ADCYAP1R1: variants seen among roughly 807,000 people sequenced by gnomAD.
The protein encoded by ADCYAP1R1 is pituitary adenylate cyclase-activating polypeptide type I receptor.
In ADCYAP1R1, 44 loss-of-function variants were observed where a neutral mutation model predicts 67.6. The observed-to-expected ratio is 0.65, with a 90% CI of 0.51 to 0.84. ADCYAP1R1 has a LOEUF of 0.84. Ranked by LOEUF, ADCYAP1R1 falls within the 40% of genes least tolerant of loss-of-function variation. The probability of loss-of-function intolerance (pLI) is 0.00; values close to 1 mark genes in which losing one functional copy is unlikely to be tolerated. For synonymous variants in ADCYAP1R1, 222 were observed against 219.6 expected (o/e 1.01, Z -0.10); for missense variants, 477 against 587.9 (o/e 0.81, Z 1.95).
intron 3 of ADCYAP1R1, among the ~76,000 whole-genome samples, chr7:31,074,297 A>T (rs10264520): frequency 0.19 from 28,530 of 151,752 alleles, 4,488 homozygotes; most frequent in African/African-American, 0.43. Context: ...GTTTCCCCTC[A>T]CTCTATCCTC....
At chr7:31,089,909 A>G (rs1294544260) in intron 12 of ADCYAP1R1, among the ~76,000 whole-genome samples, 1 of 152,176 alleles carries the variant, frequency 6.6e-6, no homozygotes. Context: ...TATTTTGTTT[A>G]AAGTTTTTGG....
At chr7:31,101,139 C>T (rs959902585) in intron 13 of ADCYAP1R1, among the ~76,000 whole-genome samples, 6 of 152,190 alleles carry the variant, frequency 3.9e-5, no homozygotes, top group Non-Finnish European at 8.8e-5. Flanking sequence ...TGCCCTGGCT[C>T]CCCAGCAGAA....
At chr7:31,059,932 G>C (rs1314429564) in intron 1 of ADCYAP1R1, among the ~76,000 whole-genome samples, 1 of 151,930 alleles carries the variant, frequency 6.6e-6, no homozygotes, top group African/African-American at 2.4e-5. Flanking sequence ...AGTTGGGCAG[G>C]GGGTGGACTG....
At chr7:31,070,153 C>T (rs10277350) in intron 3 of ADCYAP1R1, among the ~76,000 whole-genome samples, 18,385 of 152,216 alleles carry the variant, frequency 0.12, 1,656 homozygotes, top group African/African-American at 0.24. Context: ...GGACAAAGGA[C>T]GCCTGTACCT....
At chr7:31,058,133 G>C (rs1187847251) in intron 1 of ADCYAP1R1, among the ~76,000 whole-genome samples, 1 of 152,210 alleles carries the variant, frequency 6.6e-6, no homozygotes, top group African/African-American at 2.4e-5. Flanking sequence ...TGTGGGCCTG[G>C]GCCAGACGCT....
chr7:31,083,488 C>T (rs1795599123), intron 6 of ADCYAP1R1, among the ~76,000 whole-genome samples: 1 of 152,320 alleles, frequency 6.6e-6, no homozygotes, highest in African/African-American at 2.4e-5. Flanking sequence ...CAGGAAACAG[C>T]CCTCCCAAAC....
chr7:31,063,190 C>A lies in ADCYAP1R1; in HGVS notation c.-71-4C>A. On this transcript the variant is annotated splice_polypyrimidine_tract_variant and splice_region_variant and intron_variant, in intron 1 of 15. Coordinates refer to ENST00000304166, the MANE Select transcript of ADCYAP1R1 (RefSeq NM_001118.5). ...CAGGATTCACACCTTTCCTTCCTCT[C>A]TAGCCCAGAGACACATTGGGGCTGA... 6 of 1,579,574 alleles carry A rather than the reference C, an allele frequency of 3.8e-6. No homozygotes were observed. The highest frequency in any genetic ancestry group is 5.2e-6 in the Non-Finnish European group (6 of 1,148,938).
intron 12 of ADCYAP1R1, among the ~76,000 whole-genome samples, chr7:31,092,254 C>G (rs1254395281): frequency 1.3e-5 from 2 of 151,390 alleles, no homozygotes; most frequent in African/African-American, 4.9e-5. Context: ...CATTCTGGTT[C>G]CCCATATTTG....
chr7:31,063,445 G>A lies in ADCYAP1R1; in HGVS notation c.51+130G>A, dbSNP rs555321361. The A allele has an allele frequency of 2.0e-4, 188 of 949,880 alleles. No homozygotes were observed. The African/African-American group carries it at 2.9e-3, about 15-fold the overall frequency. The allele number at this position is 949,880 out of a possible 1,614,324, so 58.8% of individuals were successfully genotyped here. A position where few individuals can be genotyped will look rare whatever the true frequency, so the allele number is the denominator to read the frequency against. ...TGGTATTTCTGCCAACACCACCACT[G>A]GGCCACCCAGTGCCTTTGTGTGAAT... On this transcript the variant is annotated intron_variant, in intron 2 of 15. Transcript: ENST00000304166.
intron 4 of ADCYAP1R1, among the ~76,000 whole-genome samples, chr7:31,078,544 C>G (rs1795376665): frequency 6.6e-6 from 1 of 152,244 alleles, no homozygotes; most frequent in African/African-American, 2.4e-5. Context: ...ATCCTCAGCG[C>G]CCAGTGGGAG....
chr7:31,092,669 T>C lies in ADCYAP1R1; in HGVS notation c.980T>C (p.Ile327Thr). ...GTTAACTTTGTGCTTTTTATTGGCA[T>C]TATCGTCATCCTTGTGCAGAAACTT... ...IMVNFVLFIGIIVILVQKLQS... is the reference protein window; with the variant it reads ...IMVNFVLFIGTIVILVQKLQS... The change falls in exon 13 of 16, where the codon ATT becomes ACT. Residue 327 changes from isoleucine to threonine, a missense_variant. Ile to Thr is a moderately conservative substitution (Grantham distance 89, BLOSUM62 -1). Coordinates refer to ENST00000304166, the MANE Select transcript of ADCYAP1R1 (RefSeq NM_001118.5). The C allele has an allele frequency of 1.9e-6, 3 of 1,611,876 alleles. No individual in the cohort carries two copies. The highest frequency in any genetic ancestry group is 2.5e-6 in the Non-Finnish European group (3 of 1,179,692).
intron 12 of ADCYAP1R1, 125 bp downstream of exon 12, chr7:31,087,821 A>G: frequency 1.5e-6 from 1 of 670,544 alleles, no homozygotes; most frequent in Non-Finnish European, 2.6e-6. Flanking sequence ...CTGCATTATA[A>G]TCTGTAACAG....
rs796522181 is a variant in ADCYAP1R1, at chr7:31,087,490, C to G, written c.885-137C>G. The G allele has an allele frequency of 1.5e-5, 11 of 747,144 alleles. No individual in the cohort carries two copies. The African/African-American group carries it at 1.9e-4, about 13-fold the overall frequency. 46.3% of individuals were successfully genotyped at this position (747,144 alleles called of 1,614,324 possible). On this transcript the variant is annotated intron_variant, in intron 11 of 15. Transcript: ENST00000304166. ...GGAGTCTGTAGCCCGCTGGAGAGCT[C>G]TTGTTCCAGCCAGCCCCTCCTCAGA...
rs757851718 is a variant in ADCYAP1R1, at chr7:31,106,550, G to A, written c.1273G>A (p.Ala425Thr). The change falls in exon 16 of 16, where the codon GCT becomes ACT. Residue 425 changes from alanine (A) to threonine (T), a missense_variant. Transcript: ENST00000304166. ...WRSWKVNRYFAVDFKHRHPSL... is the reference protein window; with the variant it reads ...WRSWKVNRYFTVDFKHRHPSL... ...AAGCTGGAAGGTGAACCGTTACTTC[G>A]CTGTGGACTTCAAGCACCGACACCC... 9 of 1,613,896 alleles carry A rather than the reference G, an allele frequency of 5.6e-6. No homozygotes were observed. Among genetic ancestry groups the A allele is most frequent in the Middle Eastern group, 1.7e-4 (1 of 6,054 alleles).
intron 3 of ADCYAP1R1, among the ~76,000 whole-genome samples, chr7:31,065,988 G>A (rs1170216270): frequency 6.6e-5 from 10 of 152,358 alleles, no homozygotes; most frequent in Admixed American, 2.0e-4. Flanking sequence ...ACTCTGGACC[G>A]TGCCGGCCTT....
chr7:31,072,046 G>C (rs1018593503), intron 3 of ADCYAP1R1, among the ~76,000 whole-genome samples: 1 of 122,404 alleles, frequency 8.2e-6, no homozygotes, highest in Non-Finnish European at 1.6e-5. Context: ...TGTTCATCCA[G>C]ACGCTGAAGC....
chr7:31,061,564 G>A (rs1402236246), intron 1 of ADCYAP1R1, among the ~76,000 whole-genome samples: 4 of 152,168 alleles, frequency 2.6e-5, no homozygotes, highest in Non-Finnish European at 5.9e-5. Context: ...GAGGAGGCTG[G>A]GCCAGTGTTG....
intron 13 of ADCYAP1R1, among the ~76,000 whole-genome samples, chr7:31,093,804 G>T (rs930743949): frequency 6.6e-6 from 1 of 152,130 alleles, no homozygotes; most frequent in African/African-American, 2.4e-5. Context: ...TGGGGTCACA[G>T]CATCTACTGG....
At chr7:31,055,245 C>T (rs550382035) in intron 1 of ADCYAP1R1, among the ~76,000 whole-genome samples, 9 of 152,114 alleles carry the variant, frequency 5.9e-5, no homozygotes, top group South Asian at 2.1e-4. Context: ...TGGGCACACC[C>T]GGGGACTCAG....
Sources: gnomAD v4.1 joint callset for allele counts (sites outside exome capture counted in the v4.1 genomes callset) on GRCh38, gnomAD v4.1.1 for gene constraint, MANE v1.5 for transcripts, NCBI Gene and HGNC (gene_info 2026-07-23, HGNC 2026-07-21) for gene names.